Variants in LRP2 observed in about 807,000 individuals in gnomAD.
LRP2 encodes the protein low-density lipoprotein receptor-related protein 2.
A neutral mutation model predicts 531.0 loss-of-function variants in LRP2; 172 were observed. That is an observed-to-expected ratio of 0.32 (90% CI 0.29 to 0.37). The LOEUF is 0.37. LRP2 is among the 10% of genes least tolerant of loss of function. LRP2 has a pLI of 1.00. For synonymous variants in LRP2, 1,992 were observed against 2,027.6 expected (o/e 0.98, Z 0.47); for missense variants, 5,167 against 5,868.3 (o/e 0.88, Z 3.90).
chr2:169,170,733 G>GC lies in LRP2; in HGVS notation c.11264-67dup. 2.6e-6 allele frequency: 3 copies of GC among 1,133,260 alleles called. No individual in the cohort carries two copies. In the African/African-American group the frequency reaches 4.6e-5, roughly 17 times the overall value. The allele number at this position is 1,133,260 out of a possible 1,614,324, so 70.2% of individuals were successfully genotyped here. A position where few individuals can be genotyped will look rare whatever the true frequency, so the allele number is the denominator to read the frequency against. On this transcript the variant is annotated intron_variant, in intron 58 of 78. Transcript: ENST00000649046. Reference sequence around the variant, plus strand: ...ATCACATACAGGAGACATCTTGTGAGCTGACCATAGTGCCCTGGGTGCCCA... The same window carrying GC: ...ATCACATACAGGAGACATCTTGTGAGCCTGACCATAGTGCCCTGGGTGCCCA...
At chr2:169,323,451 A>C (rs1684957381) in intron 1 of LRP2, among the ~76,000 whole-genome samples, 1 of 152,244 alleles carries the variant, frequency 6.6e-6, no homozygotes, top group Admixed American at 6.5e-5. Context: ...AACCAAAAAT[A>C]AACCACTAGT....
chr2:169,275,852 T>C (rs1683538554), intron 13 of LRP2, among the ~76,000 whole-genome samples: 1 of 151,830 alleles, frequency 6.6e-6, no homozygotes, highest in Non-Finnish European at 1.5e-5. Flanking sequence ...GCCACTTAAC[T>C]GGGAAGAAAA....
At chr2:169,307,216 T>C (rs958255575) in intron 4 of LRP2, 65 bp downstream of exon 4, 2 of 1,080,046 alleles carry the variant, frequency 1.9e-6, no homozygotes, top group Non-Finnish European at 2.9e-6. Flanking sequence ...ATCTAACAAA[T>C]TGATTAAAAT....
At chr2:169,170,431 G>A in intron 59 of LRP2, 120 bp downstream of exon 59, 1 of 801,614 alleles carries the variant, frequency 1.2e-6, no homozygotes, top group African/African-American at 1.7e-5. Context: ...TTATGCTAAG[G>A]TTTACATATT....
rs1689628272 is a variant in LRP2, at chr2:169,236,962, T to C, written c.4691+141A>G. 3.4e-5 allele frequency: 24 copies of C among 706,618 alleles called. No homozygotes were observed. The East Asian group carries it at 6.2e-4, about 18-fold the overall frequency. 43.8% of individuals were successfully genotyped at this position (706,618 alleles called of 1,614,324 possible). On this transcript the variant is annotated intron_variant, in intron 28 of 78. Transcript: ENST00000649046. ...ATGAAGGAGAGATAGCAACACCCAG[T>C]TGGACACCTACCATGTTTAAACAAG...
At chr2:169,321,477 C>T (rs1047286928) in intron 1 of LRP2, among the ~76,000 whole-genome samples, 3 of 147,454 alleles carry the variant, frequency 2.0e-5, no homozygotes, top group African/African-American at 7.5e-5. Flanking sequence ...AAAAAAAAAG[C>T]GTAAAAAAGA....
intron 1 of LRP2, among the ~76,000 whole-genome samples, chr2:169,357,421 T>C (rs1686024478): frequency 6.6e-6 from 1 of 151,958 alleles, no homozygotes; most frequent in South Asian, 2.1e-4. Context: ...AATCCCTGCC[T>C]CCTGTGTTCA....
intron 11 of LRP2, 31 bp from the exon 12 acceptor site, chr2:169,279,626 T>G: frequency 7.3e-7 from 1 of 1,365,984 alleles, no homozygotes; most frequent in Non-Finnish European, 1.0e-6. Context: ...ATTATATTTC[T>G]TCAGCATCAC....
intron 30 of LRP2, 54 bp downstream of exon 30, chr2:169,233,357 G>A: frequency 1.9e-6 from 3 of 1,590,398 alleles, no homozygotes; most frequent in Non-Finnish European, 2.6e-6. Flanking sequence ...AGCATTCCCA[G>A]GGTCAGTGTT....
intron 19 of LRP2, among the ~76,000 whole-genome samples, chr2:169,255,182 C>T (rs1690253638): frequency 6.6e-6 from 1 of 152,166 alleles, no homozygotes; most frequent in Non-Finnish European, 1.5e-5. Flanking sequence ...TAGACTTAAA[C>T]AAAACATGAC....
intron 3 of LRP2, among the ~76,000 whole-genome samples, chr2:169,309,120 T>A (rs542986355): frequency 6.6e-6 from 1 of 152,338 alleles, no homozygotes; most frequent in African/African-American, 2.4e-5. Flanking sequence ...ATTCTGGATA[T>A]CAGCCCTTTG....
chr2:169,128,162 T>C lies in LRP2; in HGVS notation c.*501A>G, dbSNP rs546836105. On this transcript the variant is annotated 3_prime_UTR_variant, in exon 79 of 79. Coordinates refer to ENST00000649046, the MANE Select transcript of LRP2 (RefSeq NM_004525.3). ...CCTATCAACATAGCCATTAATCAAA[T>C]TGACATGTAATATTGAACATTAATT... 6.0e-6 allele frequency: 1 copy of C among 165,566 alleles called. No individual in the cohort carries two copies. The highest frequency in any genetic ancestry group is 5.9e-5 in the Admixed American group (1 of 16,844). 10.3% of individuals were successfully genotyped at this position (165,566 alleles called of 1,614,324 possible).
intron 37 of LRP2, among the ~76,000 whole-genome samples, chr2:169,210,867 A>G (rs1043597154): frequency 2.6e-5 from 4 of 152,266 alleles, no homozygotes; most frequent in Non-Finnish European, 5.9e-5. Flanking sequence ...TTCATAAAAA[A>G]TGAATGTGAA....
At chr2:169,166,308 C>CT (rs2105268023) in intron 61 of LRP2, among the ~76,000 whole-genome samples, 1 of 152,320 alleles carries the variant, frequency 6.6e-6, no homozygotes, top group East Asian at 1.9e-4. Context: ...GAGAAACAGG[C>CT]TTTTCAAATT....
chr2:169,340,163 C>A (rs1226128553), intron 1 of LRP2, among the ~76,000 whole-genome samples: 5 of 152,268 alleles, frequency 3.3e-5, no homozygotes, highest in Non-Finnish European at 5.9e-5. Context: ...CCCCTATTCT[C>A]TTGTCCAAAA....
chr2:169,198,988 A>G (rs1451065043), intron 44 of LRP2, 77 bp from the exon 45 acceptor site: 1 of 1,498,516 alleles, frequency 6.7e-7, no homozygotes, highest in Non-Finnish European at 9.1e-7. Context: ...GTGCTAACAC[A>G]TCTATTGTGG....
Position 169,277,923 on chromosome 2 carries a change from G to T in LRP2, c.1594C>A (p.Leu532Ile). ...CTTTCCAGCTTAGGTTCCCCAGAAAGGCTCTCCCAATCTGAGAAAAATAAA... is the reference window on the plus strand; with the variant it reads ...CTTTCCAGCTTAGGTTCCCCAGAAATGCTCTCCCAATCTGAGAAAAATAAA... ...GYLFFSDWES[L>I]SGEPKLERAF... Residue 532 changes from leucine to isoleucine, a missense_variant, in exon 13 of 79, where the codon CTT becomes ATT. By Grantham distance (5) the Leu-to-Ile change is conservative. Around this residue, in one of 6 missense-constraint regions of LRP2, gnomAD observed 2,811 missense variants for 3,058.0 expected, o/e 0.92. Transcript: ENST00000649046. The T allele has an allele frequency of 6.2e-7, 1 of 1,613,870 alleles. No individual in the cohort carries two copies. Among genetic ancestry groups the T allele is most frequent in the Admixed American group, 1.7e-5 (1 of 59,986 alleles).
chr2:169,231,866 A>G, intron 30 of LRP2, 24 bp from the exon 31 acceptor site: 14 of 1,613,074 alleles, frequency 8.7e-6, no homozygotes, highest in Non-Finnish European at 1.1e-5. Flanking sequence ...AGAAGAAAGC[A>G]CCAGTAAGTG....
At chr2:169,268,180 A>C (rs1683285586) in intron 16 of LRP2, among the ~76,000 whole-genome samples, 1 of 152,220 alleles carries the variant, frequency 6.6e-6, no homozygotes, top group Non-Finnish European at 1.5e-5. Flanking sequence ...CCAGAGGTAC[A>C]AAGAGGAGCT....
Sources: gnomAD v4.1 joint callset for allele counts (sites outside exome capture counted in the v4.1 genomes callset) on GRCh38, gnomAD v4.1.1 for gene constraint, gnomAD v4.1.1 regional missense constraint, MANE v1.5 for transcripts, NCBI Gene and HGNC (gene_info 2026-07-23, HGNC 2026-07-21) for gene names.